Variants in TIAL1 observed in about 807,000 individuals in gnomAD.
TIAL1 encodes the protein TIA1 cytotoxic granule associated RNA binding protein like 1.
Under a neutral mutation model 59.7 loss-of-function variants are expected in TIAL1, and 7 were observed. That is an observed-to-expected ratio of 0.12 (90% confidence interval 0.07 to 0.22). The LOEUF (loss-of-function observed/expected upper bound fraction) is 0.22, where lower values mean the gene tolerates loss of function less well. Ranked by LOEUF, TIAL1 falls within the 10% of genes least tolerant of loss-of-function variation. The pLI is 1.00. For missense variants in TIAL1, 225 were observed against 462.5 expected (o/e 0.49, Z 4.71); for synonymous variants, 149 against 146.3 (o/e 1.02, Z -0.13).
At position 119,582,638 on chromosome 10, in the gene TIAL1, C is replaced by T. The variant is rs1180255785; in HGVS notation, c.130-81G>A. ...GAAGAAAATCCAGGAAAAAACATTA[C>T]TGATAGCTGGGAATATACAAGGTGA... is the stretch of plus-strand genomic sequence containing the variant. On this transcript the variant is annotated intron_variant, in intron 2 of 11. Coordinates refer to ENST00000436547, the MANE Select transcript of TIAL1 (RefSeq NM_003252.4). The surrounding 1 kb of genome is among the most constrained non-coding windows in gnomAD (Gnocchi z 5.1). 7 of 1,577,644 alleles carry T rather than the reference C, an allele frequency of 4.4e-6. No homozygotes were observed. Among genetic ancestry groups the T allele is most frequent in the Non-Finnish European group, 6.0e-6 (7 of 1,166,462 alleles).
chr10:119,581,860 C>T, intron 5 of TIAL1, 62 bp downstream of exon 5: 1 of 1,188,762 alleles, frequency 8.4e-7, no homozygotes, highest in East Asian at 2.4e-5. Context: ...AATTCAATTA[C>T]AAGTTAATCA....
intron 5 of TIAL1, 24 bp downstream of exon 5, chr10:119,581,898 T>A: frequency 6.5e-7 from 1 of 1,527,544 alleles, no homozygotes; most frequent in Non-Finnish European, 9.1e-7. Flanking sequence ...CATGACTGAG[T>A]GTAGTACTGA....
intron 1 of TIAL1, among the ~76,000 whole-genome samples, chr10:119,593,039 C>A (rs372438730): frequency 3.3e-5 from 5 of 152,260 alleles, no homozygotes; most frequent in African/African-American, 1.2e-4. Flanking sequence ...GAATTCCTAG[C>A]AATTTTGGTG....
chr10:119,580,451 T>A (rs914692873), intron 5 of TIAL1: 120 of 974,584 alleles, frequency 1.2e-4, no homozygotes, highest in Non-Finnish European at 1.4e-4. Context: ...GAGGAAAAAA[T>A]AGGAATTAAA....
chr10:119,579,910 T>C (rs1359851715), intron 6 of TIAL1, 25 bp downstream of exon 6: 1 of 1,548,290 alleles, frequency 6.5e-7, no homozygotes, highest in Admixed American at 2.1e-5. Context: ...TATTAAAAAA[T>C]ATAAATTGAG....
At chr10:119,580,579 A>C in intron 5 of TIAL1, 2 of 999,540 alleles carry the variant, frequency 2.0e-6, no homozygotes, top group Non-Finnish European at 2.4e-6. Flanking sequence ...AAATTTAAGA[A>C]AGGAGAATAA....
At chr10:119,577,268 T>G (rs976376515) in intron 9 of TIAL1, 65 bp from the exon 10 acceptor site, 1 of 1,535,190 alleles carries the variant, frequency 6.5e-7, no homozygotes, top group Non-Finnish European at 8.7e-7. Context: ...ATAAATAACA[T>G]GGAAACTCAT....
At chr10:119,584,560 C>G (rs1419463817) in intron 2 of TIAL1, among the ~76,000 whole-genome samples, 1 of 152,164 alleles carries the variant, frequency 6.6e-6, no homozygotes, top group Non-Finnish European at 1.5e-5. Flanking sequence ...GGTGCAGTGG[C>G]TCACACCTGT....
chr10:119,593,029 G>A (rs1322823248), intron 1 of TIAL1, among the ~76,000 whole-genome samples: 4 of 152,162 alleles, frequency 2.6e-5, no homozygotes, highest in Admixed American at 2.0e-4. Flanking sequence ...GGTATTACAC[G>A]AATTCCTAGC....
chr10:119,575,691 C>T lies in TIAL1; in HGVS notation c.1102G>A (p.Gly368Ser). The change falls in exon 12 of 12, where the codon GGT becomes AGT. Residue 368 changes from glycine (G) to serine (S), a missense_variant. Physicochemically the swap from Gly to Ser is moderately conservative, Grantham distance 56. This residue lies in a region of TIAL1 where 68 missense variants were observed against 71.3 expected (regional missense o/e 0.95). Coordinates refer to ENST00000436547, the MANE Select transcript of TIAL1 (RefSeq NM_003252.4). ...CACTGTGTTTGGTAACTTGCCATAC[C>T]ATATCCGGCTTGGTTAGGAGGAGGT... ...VIPPPNQAGY[G>S]MASYQTQ 1 of 1,612,460 alleles carries T rather than the reference C, an allele frequency of 6.2e-7. No individual in the cohort carries two copies. Among genetic ancestry groups the T allele is most frequent in the Non-Finnish European group, 8.5e-7 (1 of 1,179,404 alleles).
At chr10:119,584,793 C>T (rs1295373132) in intron 2 of TIAL1, among the ~76,000 whole-genome samples, 1 of 151,936 alleles carries the variant, frequency 6.6e-6, no homozygotes, top group Non-Finnish European at 1.5e-5. Context: ...CGTGCCACTG[C>T]ACTCCAGCCC....
chr10:119,581,717 T>A, intron 5 of TIAL1: 1 of 448,050 alleles, frequency 2.2e-6, no homozygotes, highest in Non-Finnish European at 4.0e-6. Context: ...CAGGATTAGA[T>A]GAAAACGAGA....
At chr10:119,576,840 T>C (rs549109144) in intron 10 of TIAL1, 90 bp from the exon 11 acceptor site, 2 of 1,519,994 alleles carry the variant, frequency 1.3e-6, no homozygotes, top group Non-Finnish European at 1.8e-6. Flanking sequence ...AAAAACTAAG[T>C]AAGCACCCTT....
At position 119,582,613 on chromosome 10, in the gene TIAL1, G is replaced by C; in HGVS notation, c.130-56C>G. The C allele has an allele frequency of 6.3e-7, 1 of 1,591,880 alleles. No homozygotes were observed. The highest frequency in any genetic ancestry group is 1.4e-5 in the African/African-American group (1 of 73,732). ...GACCCTTCTGCTATCGGGTTGCTGA[G>C]AAGAAAATCCAGGAAAAAACATTAC... On this transcript the variant is annotated intron_variant, in intron 2 of 11. Coordinates refer to ENST00000436547, the MANE Select transcript of TIAL1 (RefSeq NM_003252.4). This position sits in a 1 kb window ranked among gnomAD's most constrained non-coding sequence, Gnocchi z 5.1.
chr10:119,586,500 G>A (rs939555351), intron 2 of TIAL1, among the ~76,000 whole-genome samples: 4 of 152,094 alleles, frequency 2.6e-5, no homozygotes, highest in East Asian at 3.9e-4. Context: ...GCTCTTGCCC[G>A]CTACAATCTA....
chr10:119,576,005 CACA>C (rs1844973003), intron 11 of TIAL1, among the ~76,000 whole-genome samples: 1 of 152,088 alleles, frequency 6.6e-6, no homozygotes, highest in Non-Finnish European at 1.5e-5. Flanking sequence ...CACAACTTAA[CACA>C]CTGATGTCTG....
rs1264739531 is a variant in TIAL1 at position 119,575,701 on chromosome 10, T to C, written c.1092A>G (p.Gln364=). The C allele has an allele frequency of 6.2e-7, 1 of 1,612,706 alleles. No homozygotes were observed. Among genetic ancestry groups the C allele is most frequent in the Admixed American group, 1.7e-5 (1 of 59,796 alleles). The change falls in exon 12 of 12, where the codon CAA becomes CAG. Residue 364 remains glutamine (Q), a synonymous_variant. Transcript: ENST00000436547. Reference sequence around the variant, plus strand: ...GGTAACTTGCCATACCATATCCGGCTTGGTTAGGAGGAGGTATTACAGGGG... The same window carrying C: ...GGTAACTTGCCATACCATATCCGGCCTGGTTAGGAGGAGGTATTACAGGGG... ...APPPVIPPPN[Q]AGYGMASYQT...
Position 119,577,468 on chromosome 10 carries a change from C to T in TIAL1, c.720G>A (p.Lys240=). The change falls in exon 9 of 12, where the codon AAG becomes AAA. Residue 240 remains lysine, a synonymous_variant. Transcript: ENST00000436547. ...QIMEIRVFPE[K]GYSFVRFSTH... is the part of the protein sequence containing the mutation. ...AGTGTTACCTGACAAATGAATAGCC[C>T]TTTTCTGGGAAAACTCTTATTTCCA... is the stretch of plus-strand genomic sequence containing the variant. 1 of 1,613,476 alleles carries T rather than the reference C, an allele frequency of 6.2e-7. No individual in the cohort carries two copies.
chr10:119,591,466 G>A (rs115770278), intron 1 of TIAL1, among the ~76,000 whole-genome samples: 1,990 of 151,812 alleles, frequency 0.013, 41 homozygotes, highest in African/African-American at 0.045. Flanking sequence ...TACAGATCTT[G>A]AAGAATTTCT....
Sources: gnomAD v4.1 joint callset for allele counts (sites outside exome capture counted in the v4.1 genomes callset) on GRCh38, gnomAD v4.1.1 for gene constraint, gnomAD v4.1.1 regional missense constraint, Gnocchi (gnomAD v3.1) non-coding constraint, MANE v1.5 for transcripts, NCBI Gene and HGNC (gene_info 2026-07-23, HGNC 2026-07-21) for gene names.